CLVS1: variants seen among roughly 807,000 people sequenced by gnomAD.
CLVS1 encodes clavesin-1.
Under a neutral mutation model 33.1 loss-of-function variants are expected in CLVS1, and 10 were observed. The ratio of observed to expected loss-of-function variants is 0.30; its 90% CI spans 0.19 to 0.51. The LOEUF (loss-of-function observed/expected upper bound fraction) is 0.51, where lower values mean the gene tolerates loss of function less well. CLVS1 is among the 20% of genes least tolerant of loss of function. The pLI is 0.97. For missense variants in CLVS1, 343 were observed against 433.4 expected (o/e 0.79, Z 1.85); for synonymous variants, 163 against 166.1 (o/e 0.98, Z 0.14).
chr8:61,090,559 C>T (rs1805224822), intron 1 of CLVS1, among the ~76,000 whole-genome samples: 2 of 152,154 alleles, frequency 1.3e-5, no homozygotes, highest in African/African-American at 4.8e-5. Context: ...AAGGGTGGAT[C>T]CGTGAGCCAA....
intron 3 of CLVS1, among the ~76,000 whole-genome samples, chr8:61,389,779 A>T (rs1814229181): frequency 6.6e-6 from 1 of 152,350 alleles, no homozygotes; most frequent in South Asian, 2.1e-4. Flanking sequence ...ACGGAAGTGC[A>T]TAAAATATTA....
chr8:61,142,780 T>C (rs1041099767), intron 2 of CLVS1, among the ~76,000 whole-genome samples: 1 of 152,202 alleles, frequency 6.6e-6, no homozygotes, highest in Non-Finnish European at 1.5e-5. Flanking sequence ...ACACCTTCTG[T>C]AATGCCAGGA....
At chr8:61,482,987 C>G (rs965765697) in intron 5 of CLVS1, among the ~76,000 whole-genome samples, 5 of 151,268 alleles carry the variant, frequency 3.3e-5, no homozygotes, top group Admixed American at 3.3e-4. Flanking sequence ...CAAGAGAAAG[C>G]AGGAAAGATC....
At chr8:61,085,611 C>A (rs758848085) in intron 1 of CLVS1, among the ~76,000 whole-genome samples, 3 of 151,716 alleles carry the variant, frequency 2.0e-5, no homozygotes, top group Non-Finnish European at 4.4e-5. Context: ...CATGACCTGG[C>A]GGAGTGCGGT....
intron 1 of CLVS1, among the ~76,000 whole-genome samples, chr8:61,112,209 C>CACACACACAT (rs56275195): frequency 0.16 from 23,259 of 145,678 alleles, 2,683 homozygotes; most frequent in South Asian, 0.23. Flanking sequence ...CACACACACA[C>CACACACACAT]ACACACACAC....
intron 2 of CLVS1, among the ~76,000 whole-genome samples, chr8:61,361,381 T>G (rs1175362055): frequency 6.6e-6 from 1 of 152,226 alleles, no homozygotes; most frequent in Non-Finnish European, 1.5e-5. Context: ...GAGTCTGCCC[T>G]ACTCAATAGT....
At chr8:61,411,832 A>G (rs564329134) in intron 3 of CLVS1, among the ~76,000 whole-genome samples, 2 of 152,286 alleles carry the variant, frequency 1.3e-5, no homozygotes, top group South Asian at 4.1e-4. Context: ...AGAGTCTGGG[A>G]GTGGCCTGGG....
At chr8:61,114,668 G>C (rs140812439) in intron 1 of CLVS1, among the ~76,000 whole-genome samples, 3 of 152,126 alleles carry the variant, frequency 2.0e-5, no homozygotes, top group African/African-American at 7.2e-5. Flanking sequence ...AGTGAAACAG[G>C]TATTTACCAA....
At chr8:61,418,544 C>T (rs1815532623) in intron 3 of CLVS1, among the ~76,000 whole-genome samples, 1 of 152,182 alleles carries the variant, frequency 6.6e-6, no homozygotes, top group Non-Finnish European at 1.5e-5. Flanking sequence ...TCTCCATACT[C>T]ATACAAACAT....
chr8:61,152,376 T>C (rs1051907836), intron 2 of CLVS1, among the ~76,000 whole-genome samples: 1 of 152,192 alleles, frequency 6.6e-6, no homozygotes, highest in African/African-American at 2.4e-5. Flanking sequence ...CCGTTTGTAC[T>C]GCTATAACAA....
intron 3 of CLVS1, among the ~76,000 whole-genome samples, chr8:61,378,968 T>C (rs16927232): frequency 0.017 from 2,578 of 152,276 alleles, 85 homozygotes; most frequent in African/African-American, 0.058. Flanking sequence ...CAGGTGTCCA[T>C]TTGTTAGCCA....
intron 2 of CLVS1, among the ~76,000 whole-genome samples, chr8:61,175,058 T>C (rs1468837785): frequency 1.3e-5 from 2 of 152,232 alleles, no homozygotes; most frequent in Non-Finnish European, 2.9e-5. Context: ...ATAGTGACTC[T>C]ACTTAGTAAG....
chr8:61,057,388 AC>A (rs1804494479), intron 1 of CLVS1, among the ~76,000 whole-genome samples: 1 of 150,458 alleles, frequency 6.6e-6, no homozygotes, highest in African/African-American at 2.5e-5. Flanking sequence ...ACACACACAC[AC>A]ACACACACAC....
At chr8:61,105,763 AT>A (rs11432556) in intron 1 of CLVS1, among the ~76,000 whole-genome samples, 234 of 147,644 alleles carry the variant, frequency 1.6e-3, no homozygotes, top group Admixed American at 2.8e-3. Context: ...GTCTCTGAAC[AT>A]TTTTTTTTTT....
the CLVS1 span, among the ~76,000 whole-genome samples, chr8:60,970,513 T>A: frequency 6.6e-6 from 1 of 152,234 alleles, no homozygotes; most frequent in Admixed American, 6.5e-5. Flanking sequence ...GTCTGAAAAT[T>A]TGTGTGAAAA....
intron 5 of CLVS1, among the ~76,000 whole-genome samples, chr8:61,471,425 C>A (rs2129607743): frequency 6.6e-6 from 1 of 152,218 alleles, no homozygotes; most frequent in South Asian, 2.1e-4. Flanking sequence ...ATCCTAACTC[C>A]CTAGTAGAGA....
chr8:61,434,312 C>T (rs781690936), intron 3 of CLVS1, among the ~76,000 whole-genome samples: 3 of 149,152 alleles, frequency 2.0e-5, no homozygotes, highest in Non-Finnish European at 4.4e-5. Context: ...AAAGAAAAAG[C>T]ATTTAAGAGA....
chr8:61,142,453 C>T (rs115150495), intron 2 of CLVS1, among the ~76,000 whole-genome samples: 1 of 152,148 alleles, frequency 6.6e-6, no homozygotes, highest in Non-Finnish European at 1.5e-5. Context: ...ACAATTGGGA[C>T]GTTGGCCTTG....
intron 3 of CLVS1, among the ~76,000 whole-genome samples, chr8:61,416,847 C>A (rs978687201): frequency 6.6e-6 from 1 of 152,154 alleles, no homozygotes; most frequent in African/African-American, 2.4e-5. Context: ...ATACCTTGGG[C>A]TTTAAAGATG....
Sources: gnomAD v4.1 joint callset for allele counts (sites outside exome capture counted in the v4.1 genomes callset) on GRCh38, gnomAD v4.1.1 for gene constraint, MANE v1.5 for transcripts, NCBI Gene and HGNC (gene_info 2026-07-23, HGNC 2026-07-21) for gene names.